The following NEGR1 variants were observed in gnomAD, a reference collection of about 807,000 sequenced individuals.
NEGR1 encodes the protein neuronal growth regulator 1.
NEGR1 carries 10 observed loss-of-function variants against 40.9 expected under a neutral mutation model. The observed-to-expected ratio is 0.24, with a 90% CI of 0.15 to 0.42. NEGR1 has a LOEUF of 0.42. Ranked by LOEUF, NEGR1 falls within the 10% of genes least tolerant of loss-of-function variation. The pLI is 1.00. For synonymous variants in NEGR1, 185 were observed against 166.8 expected, an observed-to-expected ratio of 1.11 and a Z score of -0.84; for missense variants, 352 against 438.9, an observed-to-expected ratio of 0.80 and a Z score of 1.77.
At chr1:71,731,602 A>T (rs1355062824) in intron 3 of NEGR1, among the ~76,000 whole-genome samples, 1 of 152,220 alleles carries the variant, frequency 6.6e-6, no homozygotes, top group Non-Finnish European at 1.5e-5. Context: ...TTTTTTTAAA[A>T]ATACAAATTT....
At chr1:71,857,801 T>G (rs1458538640) in intron 2 of NEGR1, among the ~76,000 whole-genome samples, 2 of 152,032 alleles carry the variant, frequency 1.3e-5, no homozygotes. Context: ...CAACAAAATA[T>G]ACATTTTCTT....
At chr1:72,105,371 T>C (rs1385919140) in intron 1 of NEGR1, among the ~76,000 whole-genome samples, 2 of 151,990 alleles carry the variant, frequency 1.3e-5, no homozygotes, top group African/African-American at 4.8e-5. Context: ...TGAGAAAACC[T>C]TGTCAAAATG....
Position 71,458,021 on chromosome 1 carries a change from A to G in NEGR1, c.941-50451T>C, listed in dbSNP as rs77096533. Among the ~76,000 whole-genome samples the G allele has an allele frequency of 4.6e-3, 701 of 152,262 alleles. 3 individuals are homozygous for G. The highest frequency in any genetic ancestry group is 9.3e-3 in the South Asian group (45 of 4,828). Reference sequence around the variant, plus strand: ...CTGGCCAGTTTTCCTATTTTATAAGAAAGGTAAGGCTCAAAGAAGTTATGT... The same window carrying G: ...CTGGCCAGTTTTCCTATTTTATAAGGAAGGTAAGGCTCAAAGAAGTTATGT... On this transcript the variant is annotated intron_variant, in intron 6 of 6. Transcript: ENST00000357731.
At chr1:71,421,722 GC>G (rs1210110212) in intron 6 of NEGR1, among the ~76,000 whole-genome samples, 13 of 151,972 alleles carry the variant, frequency 8.6e-5, no homozygotes, top group Non-Finnish European at 7.4e-5. Context: ...CTTAAAGAAA[GC>G]AAGCATAAGA....
intron 1 of NEGR1, among the ~76,000 whole-genome samples, chr1:72,187,586 AAAAC>A (rs1037714004): frequency 3.2e-4 from 49 of 151,534 alleles, no homozygotes; most frequent in African/African-American, 8.9e-4. Flanking sequence ...GCCCAGGACC[AAAAC>A]AAACAAACAA....
chr1:71,916,290 T>G (rs1448690287), intron 2 of NEGR1, among the ~76,000 whole-genome samples: 2 of 152,220 alleles, frequency 1.3e-5, no homozygotes, highest in African/African-American at 4.8e-5. Context: ...AAAAGTATGA[T>G]GAGTCTTATC....
At chr1:71,700,998 A>T (rs1282733133) in intron 3 of NEGR1, among the ~76,000 whole-genome samples, 1 of 151,986 alleles carries the variant, frequency 6.6e-6, no homozygotes, top group Non-Finnish European at 1.5e-5. Context: ...GGCCTCTGGA[A>T]ACTAAAATGT....
intron 1 of NEGR1, among the ~76,000 whole-genome samples, chr1:72,262,433 T>A (rs1655490023): frequency 3.3e-5 from 5 of 152,032 alleles, no homozygotes; most frequent in Admixed American, 2.6e-4. Flanking sequence ...TTTGTCCTTA[T>A]TAAAAACTAT....
intron 6 of NEGR1, among the ~76,000 whole-genome samples, chr1:71,584,174 A>G (rs1453312968): frequency 6.6e-6 from 1 of 152,212 alleles, no homozygotes; most frequent in African/African-American, 2.4e-5. Context: ...AATTACATTT[A>G]TAAAGAAAGG....
intron 1 of NEGR1, among the ~76,000 whole-genome samples, chr1:72,059,978 C>T (rs1373766306): frequency 6.6e-6 from 1 of 151,584 alleles, no homozygotes; most frequent in African/African-American, 2.4e-5. Context: ...TGCCTGAAGC[C>T]TTTCAGTTTA....
At chr1:72,033,514 A>G (rs1557493252) in intron 1 of NEGR1, among the ~76,000 whole-genome samples, 1 of 152,178 alleles carries the variant, frequency 6.6e-6, no homozygotes, top group Non-Finnish European at 1.5e-5. Context: ...AAAGTATGAA[A>G]CATTAATCAT....
intron 1 of NEGR1, among the ~76,000 whole-genome samples, chr1:72,185,331 G>A (rs1225201259): frequency 1.3e-5 from 2 of 151,878 alleles, no homozygotes; most frequent in Admixed American, 1.3e-4. Context: ...CTAAAGAACT[G>A]TGAGTAAAGT....
At chr1:71,923,367 A>T (rs1298944542) in intron 2 of NEGR1, among the ~76,000 whole-genome samples, 4 of 150,732 alleles carry the variant, frequency 2.7e-5, no homozygotes, top group Admixed American at 1.3e-4. Flanking sequence ...ACACACACAC[A>T]CACTCTCTCT....
chr1:71,819,329 C>T (rs1289646865), intron 2 of NEGR1, among the ~76,000 whole-genome samples: 2 of 151,788 alleles, frequency 1.3e-5, no homozygotes, highest in Non-Finnish European at 2.9e-5. Context: ...TATGCATCAG[C>T]TATGATTGCA....
chr1:71,409,169 T>C (rs774241302), intron 6 of NEGR1, among the ~76,000 whole-genome samples: 1 of 152,054 alleles, frequency 6.6e-6, no homozygotes, highest in Admixed American at 6.6e-5. Flanking sequence ...CAATTTCTGA[T>C]GTATATGAAG....
chr1:71,489,053 T>C (rs1322521316), intron 6 of NEGR1, among the ~76,000 whole-genome samples: 3 of 151,760 alleles, frequency 2.0e-5, no homozygotes, highest in African/African-American at 7.3e-5. Flanking sequence ...CTCATAAACA[T>C]AGCCTGTTTT....
intron 3 of NEGR1, among the ~76,000 whole-genome samples, chr1:71,729,377 A>T (rs551325202): frequency 5.9e-5 from 9 of 152,164 alleles, no homozygotes; most frequent in Non-Finnish European, 1.3e-4. Context: ...TAATCAAATC[A>T]AATCTAGTCT....
intron 2 of NEGR1, among the ~76,000 whole-genome samples, chr1:71,931,135 C>T (rs995874085): frequency 6.6e-6 from 1 of 152,104 alleles, no homozygotes; most frequent in African/African-American, 2.4e-5. Flanking sequence ...GTTATGTACC[C>T]TAAGGAAATT....
chr1:72,108,623 C>T (rs1011102874), intron 1 of NEGR1, among the ~76,000 whole-genome samples: 10 of 151,432 alleles, frequency 6.6e-5, no homozygotes, highest in Non-Finnish European at 1.5e-4. Flanking sequence ...AGAGAAGTTG[C>T]TTTACAGAAT....
Sources: allele counts gnomAD v4.1 joint callset (sites outside exome capture counted in the v4.1 genomes callset), GRCh38; gene constraint gnomAD v4.1.1; transcripts MANE v1.5; gene names NCBI Gene and HGNC (gene_info 2026-07-23, HGNC 2026-07-21).